The following GPC5 variants were observed in gnomAD, a reference collection of about 807,000 sequenced individuals.
GPC5 encodes glypican-5.
In GPC5, 47 loss-of-function variants were observed where a neutral mutation model predicts 53.9. That is an observed-to-expected ratio of 0.87 (90% confidence interval 0.69 to 1.11). The LOEUF is 1.11. GPC5 is among the 50% of genes most tolerant of loss of function. GPC5 has a pLI of 0.00. For synonymous variants in GPC5, 286 were observed against 263.3 expected (o/e 1.09, Z -0.84); for missense variants, 748 against 713.1 (o/e 1.05, Z -0.56).
intron 6 of GPC5, among the ~76,000 whole-genome samples, chr13:91,927,272 A>G (rs2039777960): frequency 6.6e-6 from 1 of 152,160 alleles, no homozygotes; most frequent in Non-Finnish European, 1.5e-5. Flanking sequence ...TAACATTATC[A>G]GCAGAAAACC....
At chr13:91,977,969 AAGAAAGAAAG>A (rs1292313991) in intron 6 of GPC5, among the ~76,000 whole-genome samples, 2 of 148,782 alleles carry the variant, frequency 1.3e-5, no homozygotes, top group Admixed American at 6.6e-5. Flanking sequence ...GAAAGAAAGA[AAGAAAGAAAG>A]AAAGAAAAGA....
chr13:91,770,620 G>T (rs933954229), intron 5 of GPC5, among the ~76,000 whole-genome samples: 15 of 151,908 alleles, frequency 9.9e-5, no homozygotes, highest in Admixed American at 7.9e-4. Flanking sequence ...CAGGAAATGG[G>T]GTCAAGGACC....
chr13:92,115,278 G>A (rs773556084), intron 6 of GPC5, among the ~76,000 whole-genome samples: 3 of 152,218 alleles, frequency 2.0e-5, no homozygotes, highest in Non-Finnish European at 4.4e-5. Context: ...GGAGGCCGAG[G>A]TGGGTAGATT....
Position 91,570,475 on chromosome 13 carries a change from G to T in GPC5, c.325+121553G>T, listed in dbSNP as rs375373294. 5.9e-5 allele frequency among the ~76,000 whole-genome samples: 9 copies of T among 152,252 alleles called. No individual in the cohort carries two copies. The South Asian group carries it at 1.2e-3, about 21-fold the overall frequency. ...TGTGTTCCAAAGGATTTTGGTTAGGGATACTCAACCTGTATTATACTTAGA... is the reference window on the plus strand; with the variant it reads ...TGTGTTCCAAAGGATTTTGGTTAGGTATACTCAACCTGTATTATACTTAGA... On this transcript the variant is annotated intron_variant, in intron 2 of 7. Transcript: ENST00000377067.
intron 6 of GPC5, among the ~76,000 whole-genome samples, chr13:92,111,205 CT>C (rs1248565423): frequency 6.6e-6 from 1 of 152,132 alleles, no homozygotes; most frequent in Admixed American, 6.6e-5. Flanking sequence ...TTACATGTGT[CT>C]GTCTTTCTGA....
At chr13:91,820,132 A>G (rs1265692834) in intron 5 of GPC5, among the ~76,000 whole-genome samples, 4 of 151,862 alleles carry the variant, frequency 2.6e-5, no homozygotes, top group African/African-American at 9.7e-5. Flanking sequence ...TTGTTTTTAT[A>G]GTCCCTATTT....
chr13:92,144,122 T>C (rs1274066090), intron 6 of GPC5, among the ~76,000 whole-genome samples: 3 of 152,190 alleles, frequency 2.0e-5, no homozygotes, highest in African/African-American at 7.2e-5. Context: ...TTTCCAATGT[T>C]GTTCAAAAGT....
intron 7 of GPC5, among the ~76,000 whole-genome samples, chr13:92,365,129 C>T (rs543822569): frequency 6.6e-6 from 1 of 151,856 alleles, no homozygotes; most frequent in Non-Finnish European, 1.5e-5. Context: ...ACTGTGTGAA[C>T]AGCATAGAGT....
intron 7 of GPC5, among the ~76,000 whole-genome samples, chr13:92,696,252 A>G (rs188915960): frequency 1.6e-4 from 24 of 152,280 alleles, no homozygotes; most frequent in Non-Finnish European, 2.9e-4. Context: ...TTCTAGTTCT[A>G]GATCCTTGAG....
chr13:92,127,209 G>A (rs2041705424), intron 6 of GPC5, among the ~76,000 whole-genome samples: 1 of 151,830 alleles, frequency 6.6e-6, no homozygotes. Flanking sequence ...GGTGAGAGCA[G>A]CCTTAAAAGG....
At chr13:91,793,011 T>C (rs959699655) in intron 5 of GPC5, among the ~76,000 whole-genome samples, 6 of 152,140 alleles carry the variant, frequency 3.9e-5, no homozygotes, top group South Asian at 4.1e-4. Flanking sequence ...AGTCGTTCCA[T>C]TGAAACTCTT....
rs2033869691 is a variant in GPC5 at position 91,621,888 on chromosome 13, CA to C, written c.326-71295del. On this transcript the variant is annotated intron_variant, in intron 2 of 7. Transcript: ENST00000377067. The stretch of plus-strand genomic sequence containing the variant: ...AGAGCAAGGAAGCCAGTCCAAGTCC[CA>C]AAACCTCAAAAGTAGGGAAGCCAAC... Among the ~76,000 whole-genome samples the C allele has an allele frequency of 6.6e-5, 10 of 151,428 alleles. No homozygotes were observed. In the South Asian group the frequency reaches 2.1e-3, roughly 32 times the overall value.
intron 7 of GPC5, among the ~76,000 whole-genome samples, chr13:92,661,805 A>C (rs1886353323): frequency 6.6e-6 from 1 of 152,186 alleles, no homozygotes; most frequent in African/African-American, 2.4e-5. Context: ...TTAAATCGTC[A>C]TTAGAGTAAG....
At chr13:92,218,100 A>T (rs2042424046) in intron 7 of GPC5, among the ~76,000 whole-genome samples, 1 of 151,626 alleles carries the variant, frequency 6.6e-6, no homozygotes, top group Non-Finnish European at 1.5e-5. Context: ...ATTTTTAAAA[A>T]AAAATTTAGT....
At chr13:91,482,069 A>G (rs1454557874) in intron 2 of GPC5, among the ~76,000 whole-genome samples, 1 of 152,220 alleles carries the variant, frequency 6.6e-6, no homozygotes, top group Non-Finnish European at 1.5e-5. Context: ...ACAATGATTT[A>G]TTTTGGAGAA....
At chr13:91,648,785 G>A (rs1223576805) in intron 2 of GPC5, among the ~76,000 whole-genome samples, 1 of 152,112 alleles carries the variant, frequency 6.6e-6, no homozygotes. Context: ...TCCTGTGCCA[G>A]GCATTGTGTG....
At chr13:92,387,290 T>C (rs1874777420) in intron 7 of GPC5, among the ~76,000 whole-genome samples, 1 of 152,094 alleles carries the variant, frequency 6.6e-6, no homozygotes, top group Non-Finnish European at 1.5e-5. Flanking sequence ...CCCCCAACTG[T>C]AGGGTAATGT....
intron 5 of GPC5, among the ~76,000 whole-genome samples, chr13:91,873,445 A>G (rs768921760): frequency 2.6e-5 from 4 of 152,110 alleles, no homozygotes; most frequent in Non-Finnish European, 5.9e-5. Flanking sequence ...AACCTGGTGG[A>G]AGTGATTGAA....
intron 6 of GPC5, among the ~76,000 whole-genome samples, chr13:91,912,974 C>T (rs2039624128): frequency 6.6e-6 from 1 of 152,160 alleles, no homozygotes; most frequent in South Asian, 2.1e-4. Context: ...CTGAGACATA[C>T]TGGTATAAAA....
Sources: gnomAD v4.1 joint callset for allele counts (sites outside exome capture counted in the v4.1 genomes callset) on GRCh38, gnomAD v4.1.1 for gene constraint, MANE v1.5 for transcripts, NCBI Gene and HGNC (gene_info 2026-07-23, HGNC 2026-07-21) for gene names.